The following FSTL5 variants were observed in gnomAD, a reference collection of about 807,000 sequenced individuals.
FSTL5 encodes the protein follistatin-related protein 5.
In FSTL5, 62 loss-of-function variants were observed where a neutral mutation model predicts 89.1. The ratio of observed to expected loss-of-function variants is 0.70; its 90% CI spans 0.57 to 0.86. The LOEUF (loss-of-function observed/expected upper bound fraction) is 0.86. Ranked by LOEUF, FSTL5 falls within the 40% of genes least tolerant of loss-of-function variation. The pLI is 0.00. For synonymous variants in FSTL5, 383 were observed against 346.2 expected (o/e 1.11, Z -1.18); for missense variants, 1,057 against 1,001.6 (o/e 1.06, Z -0.75).
At chr4:161,501,029 C>T (rs1730275702) in intron 11 of FSTL5, among the ~76,000 whole-genome samples, 1 of 152,014 alleles carries the variant, frequency 6.6e-6, no homozygotes, top group Non-Finnish European at 1.5e-5. Flanking sequence ...GCTCTTTTGA[C>T]CTGTTATATT....
chr4:161,930,171 C>T (rs959718943), intron 3 of FSTL5, among the ~76,000 whole-genome samples: 5 of 151,756 alleles, frequency 3.3e-5, no homozygotes, highest in Non-Finnish European at 7.4e-5. Context: ...GTAAAATACT[C>T]CCACAGTGTC....
At chr4:161,861,977 A>G (rs895812129) in intron 4 of FSTL5, among the ~76,000 whole-genome samples, 9 of 152,172 alleles carry the variant, frequency 5.9e-5, no homozygotes, top group Non-Finnish European at 1.0e-4. Flanking sequence ...CAGCATACTC[A>G]AGAGACTTCA....
rs1731705057 is a variant in FSTL5, at chr4:161,538,327, G to T, written c.1178-27C>A. On this transcript the variant is annotated intron_variant, in intron 9 of 15. Transcript: ENST00000306100. ...TGAAAAAAGAAGGGAAATGCAACTT[G>T]TAAACTACAATTTCAGTTTTGGAAC... 3 of 1,612,672 alleles carry T rather than the reference G, an allele frequency of 1.9e-6. No homozygotes were observed. In the African/African-American group the frequency reaches 4.0e-5, roughly 22 times the overall value.
In FSTL5 at chr4:162,040,557, T is replaced by C. The variant is rs1225585285; in HGVS notation, c.127-6899A>G. On this transcript the variant is annotated intron_variant, in intron 2 of 15. Transcript: ENST00000306100. ...AAAAATAGAGGGGAGACAGTGGGCATAGAAAAAAATGCCTGAAAAATAGAG... is the reference window on the plus strand; with the variant it reads ...AAAAATAGAGGGGAGACAGTGGGCACAGAAAAAAATGCCTGAAAAATAGAG... 3.3e-5 allele frequency among the ~76,000 whole-genome samples: 5 copies of C among 151,806 alleles called. No individual in the cohort carries two copies. The South Asian group carries it at 1.0e-3, about 32-fold the overall frequency.
At chr4:161,789,651 A>C (rs977383686) in intron 4 of FSTL5, among the ~76,000 whole-genome samples, 4 of 152,288 alleles carry the variant, frequency 2.6e-5, no homozygotes, top group Middle Eastern at 3.4e-3. Context: ...GAGCTAATTT[A>C]ATATTTAACG....
chr4:161,616,264 T>C (rs1296838035), intron 7 of FSTL5, among the ~76,000 whole-genome samples: 1 of 152,054 alleles, frequency 6.6e-6, no homozygotes, highest in East Asian at 1.9e-4. Context: ...CTTTTTGTAT[T>C]TTTAGAGATG....
At chr4:161,561,279 C>CA (rs994191319) in intron 8 of FSTL5, among the ~76,000 whole-genome samples, 1 of 151,892 alleles carries the variant, frequency 6.6e-6, no homozygotes, top group African/African-American at 2.4e-5. Flanking sequence ...TTACAGAATT[C>CA]AACTGCAGGA....
intron 3 of FSTL5, among the ~76,000 whole-genome samples, chr4:161,967,866 A>C (rs1027347881): frequency 6.6e-6 from 1 of 152,070 alleles, no homozygotes; most frequent in Non-Finnish European, 1.5e-5. Flanking sequence ...TAATTAAAGA[A>C]ATGTCTCAAT....
intron 8 of FSTL5, among the ~76,000 whole-genome samples, chr4:161,570,148 A>C (rs1445113522): frequency 6.6e-6 from 1 of 152,208 alleles, no homozygotes; most frequent in African/African-American, 2.4e-5. Context: ...GGCTATGTGC[A>C]GTTTTGTAGA....
intron 4 of FSTL5, among the ~76,000 whole-genome samples, chr4:161,824,273 T>G (rs930582893): frequency 6.6e-6 from 1 of 152,218 alleles, no homozygotes; most frequent in Non-Finnish European, 1.5e-5. Context: ...TAGGGTTTCC[T>G]TTCCCCATTT....
At chr4:161,871,278 T>C (rs1176215734) in intron 4 of FSTL5, among the ~76,000 whole-genome samples, 3 of 152,128 alleles carry the variant, frequency 2.0e-5, no homozygotes, top group African/African-American at 7.2e-5. Flanking sequence ...CCAATCAGTC[T>C]ATATATATTT....
At chr4:161,627,479 T>C (rs1735356269) in intron 7 of FSTL5, among the ~76,000 whole-genome samples, 1 of 152,144 alleles carries the variant, frequency 6.6e-6, no homozygotes, top group Non-Finnish European at 1.5e-5. Context: ...CCAAAACAAT[T>C]TGTGTGACTC....
intron 3 of FSTL5, among the ~76,000 whole-genome samples, chr4:161,939,497 G>A (rs1321462279): frequency 1.3e-5 from 2 of 151,854 alleles, no homozygotes; most frequent in Non-Finnish European, 2.9e-5. Flanking sequence ...TGGTTTTAGT[G>A]TTTTCTTCTT....
chr4:161,713,601 A>G (rs1315151763), intron 6 of FSTL5, among the ~76,000 whole-genome samples: 1 of 152,144 alleles, frequency 6.6e-6, no homozygotes, highest in Non-Finnish European at 1.5e-5. Context: ...AAAAAGTATT[A>G]CCTGAAATCA....
intron 4 of FSTL5, among the ~76,000 whole-genome samples, chr4:161,789,248 G>A (rs181229325): frequency 3.3e-5 from 5 of 151,880 alleles, no homozygotes; most frequent in Admixed American, 1.3e-4. Context: ...TTAGTTGAAC[G>A]TTGTTTAGAT....
chr4:161,791,492 G>C (rs1029447458), intron 4 of FSTL5, among the ~76,000 whole-genome samples: 1 of 152,120 alleles, frequency 6.6e-6, no homozygotes, highest in African/African-American at 2.4e-5. Context: ...TATAATCTTT[G>C]TTACCACTAC....
intron 1 of FSTL5, among the ~76,000 whole-genome samples, chr4:162,113,105 T>TTA (rs1731510991): frequency 6.6e-6 from 1 of 152,154 alleles, no homozygotes; most frequent in Non-Finnish European, 1.5e-5. Context: ...CTGGTCTTAA[T>TTA]TATATATATT....
intron 1 of FSTL5, among the ~76,000 whole-genome samples, chr4:162,158,815 G>C (rs1179253572): frequency 6.6e-6 from 1 of 151,996 alleles, no homozygotes; most frequent in African/African-American, 2.4e-5. Flanking sequence ...TTAATATTTT[G>C]AATGGTATCT....
intron 4 of FSTL5, among the ~76,000 whole-genome samples, chr4:161,834,051 C>A (rs891032360): frequency 6.6e-6 from 1 of 152,002 alleles, no homozygotes; most frequent in Non-Finnish European, 1.5e-5. Context: ...CAAAAATCCT[C>A]AATAAAATAC....
Sources: allele counts gnomAD v4.1 joint callset (sites outside exome capture counted in the v4.1 genomes callset), GRCh38; gene constraint gnomAD v4.1.1; transcripts MANE v1.5; gene names NCBI Gene and HGNC (gene_info 2026-07-23, HGNC 2026-07-21).